DSE: variants seen among roughly 807,000 people sequenced by gnomAD.
The protein encoded by DSE is dermatan-sulfate epimerase.
DSE carries 36 observed loss-of-function variants against 84.4 expected under a neutral mutation model. That is an observed-to-expected ratio of 0.43 (90% CI 0.33 to 0.56). DSE has a LOEUF of 0.56. Among genes scored for constraint, DSE ranks in the 20% least tolerant of loss-of-function variants. The pLI, the probability that DSE is intolerant of heterozygous loss-of-function variation, is 0.06. For missense variants in DSE, 862 were observed against 1,169.6 expected, an observed-to-expected ratio of 0.74 and a Z score of 3.84; for synonymous variants, 410 against 430.1, an observed-to-expected ratio of 0.95 and a Z score of 0.58.
chr6:116,323,183 A>G (rs1776427582), intron 2 of DSE, among the ~76,000 whole-genome samples: 1 of 152,244 alleles, frequency 6.6e-6, no homozygotes, highest in Admixed American at 6.5e-5. Flanking sequence ...TGAAAATTAC[A>G]CATCAGTTGT....
At chr6:116,318,690 T>C (rs536386248) in intron 2 of DSE, among the ~76,000 whole-genome samples, 157 of 152,152 alleles carry the variant, frequency 1.0e-3, no homozygotes, top group Non-Finnish European at 1.8e-3. Flanking sequence ...AATTTCAGCA[T>C]CAAATTACCT....
intron 2 of DSE, among the ~76,000 whole-genome samples, chr6:116,337,627 GAATA>G (rs1191158475): frequency 6.6e-6 from 1 of 151,800 alleles, no homozygotes; most frequent in Non-Finnish European, 1.5e-5. Flanking sequence ...ATAAATAAAT[GAATA>G]AATAAAATAA....
chr6:116,296,581 G>A (rs1464062209), intron 2 of DSE, among the ~76,000 whole-genome samples: 1 of 152,210 alleles, frequency 6.6e-6, no homozygotes, highest in Non-Finnish European at 1.5e-5. Context: ...GACCTGAGTG[G>A]TGAGAAGGTG....
chr6:116,272,630 C>T (rs1400992703), intron 2 of DSE, among the ~76,000 whole-genome samples: 1 of 152,106 alleles, frequency 6.6e-6, no homozygotes, highest in Non-Finnish European at 1.5e-5. Context: ...GTATGTATTC[C>T]CTAACTTAAG....
intron 2 of DSE, among the ~76,000 whole-genome samples, chr6:116,357,616 T>G (rs1361535185): frequency 6.6e-6 from 1 of 152,232 alleles, no homozygotes; most frequent in Non-Finnish European, 1.5e-5. Flanking sequence ...AAATTGTTTT[T>G]CTTCTTTCTC....
At chr6:116,360,615 C>A (rs1361514375) in intron 2 of DSE, among the ~76,000 whole-genome samples, 2 of 152,140 alleles carry the variant, frequency 1.3e-5, no homozygotes, top group African/African-American at 4.8e-5. Flanking sequence ...AGTGTGGATA[C>A]TTAATATGTA....
At chr6:116,356,625 G>A (rs1173451935) in intron 2 of DSE, among the ~76,000 whole-genome samples, 3 of 152,166 alleles carry the variant, frequency 2.0e-5, no homozygotes, top group African/African-American at 7.2e-5. Context: ...GAATCTTGTA[G>A]ATGAAACAAT....
At chr6:116,305,690 T>C (rs894795299) in intron 2 of DSE, among the ~76,000 whole-genome samples, 2 of 152,124 alleles carry the variant, frequency 1.3e-5, no homozygotes, top group African/African-American at 4.8e-5. Context: ...CAGGCTGGAG[T>C]GCAATGGCGT....
In DSE at chr6:116,443,814, C is replaced by CA. The variant is rs925229690; in HGVS notation, c.*6476dup. 3 of 151,964 alleles carry CA rather than the reference C, an allele frequency of 2.0e-5. No homozygotes were observed. Among genetic ancestry groups the CA allele is most frequent in the East Asian group, 3.9e-4 (2 of 5,194 alleles). The allele number at this position is 151,964 out of a possible 1,614,324, so 9.4% of individuals were successfully genotyped here. ...ATTTATTTAGGAATTCTTTTCTGAA[C>CA]AAAAAAACGTTTTCAATGGTCTAGG... On this transcript the variant is annotated 3_prime_UTR_variant, in exon 6 of 6. Coordinates refer to ENST00000644252, the MANE Select transcript of DSE (RefSeq NM_013352.4).
At chr6:116,300,905 A>G (rs1774999154) in intron 2 of DSE, among the ~76,000 whole-genome samples, 1 of 152,236 alleles carries the variant, frequency 6.6e-6, no homozygotes, top group Non-Finnish European at 1.5e-5. Context: ...TTTATATATG[A>G]TAACATATGA....
chr6:116,433,368 G>C lies in DSE; in HGVS notation c.936G>C (p.Ala312=). ...GGTTTCAAAGGACTGTGGCTATTGC[G>C]GACTCAAATTACAACTGGTTTTATG... ...LPGFQRTVAI[A]DSNYNWFYGP... The change falls in exon 5 of 6, where the codon GCG becomes GCC. Residue 312 remains alanine (A), a synonymous_variant. Coordinates refer to ENST00000644252, the MANE Select transcript of DSE (RefSeq NM_013352.4). 1 of 1,551,330 alleles carries C rather than the reference G, an allele frequency of 6.4e-7. No individual in the cohort carries two copies. The highest frequency in any genetic ancestry group is 2.0e-5 in the Admixed American group (1 of 50,980).
At chr6:116,385,209 G>A (rs567631241) in intron 1 of DSE, among the ~76,000 whole-genome samples, 1 of 152,324 alleles carries the variant, frequency 6.6e-6, no homozygotes, top group Non-Finnish European at 1.5e-5. Flanking sequence ...AGTATGGCCA[G>A]GCTGCTTAGC....
intron 2 of DSE, among the ~76,000 whole-genome samples, chr6:116,423,373 AG>A (rs11330799): frequency 0.62 from 94,614 of 151,994 alleles, 30,504 homozygotes; most frequent in Admixed American, 0.71. Context: ...GTTCCCTCAC[AG>A]GTATCTTTAA....
At position 116,437,941 on chromosome 6, in the gene DSE, C is replaced by A. The variant is rs1349662364; in HGVS notation, c.*596C>A. 3 of 152,078 alleles carry A rather than the reference C, an allele frequency of 2.0e-5. No homozygotes were observed. Among genetic ancestry groups the A allele is most frequent in the African/African-American group, 7.2e-5 (3 of 41,410 alleles). 9.4% of individuals were successfully genotyped at this position (152,078 alleles called of 1,614,324 possible). A position where few individuals can be genotyped will look rare whatever the true frequency, so the allele number is the denominator to read the frequency against. On this transcript the variant is annotated 3_prime_UTR_variant, in exon 6 of 6. Coordinates refer to ENST00000644252, the MANE Select transcript of DSE (RefSeq NM_013352.4). ...ATGGCAAAAAATGATAGCAGAAGAT[C>A]ATTAAAAACTTAAAATATATTTTAT...
intron 2 of DSE, among the ~76,000 whole-genome samples, chr6:116,320,125 C>T (rs890694413): frequency 6.6e-5 from 10 of 152,082 alleles, no homozygotes; most frequent in African/African-American, 2.2e-4. Flanking sequence ...GATTAGTGCC[C>T]AAAGATTACA....
At chr6:116,324,998 T>TA (rs771582657) in intron 2 of DSE, among the ~76,000 whole-genome samples, 6 of 152,202 alleles carry the variant, frequency 3.9e-5, no homozygotes, top group Non-Finnish European at 7.3e-5. Context: ...TAGGGACACA[T>TA]ACCACCCACT....
At chr6:116,429,411 A>G (rs1783665660) in intron 3 of DSE, among the ~76,000 whole-genome samples, 1 of 152,152 alleles carries the variant, frequency 6.6e-6, no homozygotes, top group African/African-American at 2.4e-5. Flanking sequence ...AAGTAAAGCA[A>G]TGTGGCTACA....
chr6:116,311,879 T>C (rs1361770973), intron 2 of DSE, among the ~76,000 whole-genome samples: 1 of 152,188 alleles, frequency 6.6e-6, no homozygotes, highest in African/African-American at 2.4e-5. Context: ...CATTTACTTA[T>C]ATGTAAATGT....
At chr6:116,279,713 T>C in intron 2 of DSE, 2 of 1,611,344 alleles carry the variant, frequency 1.2e-6, no homozygotes, top group East Asian at 4.5e-5. Flanking sequence ...GTCGCCTCGC[T>C]TTGGTCGCGG....
Sources: gnomAD v4.1 joint callset for allele counts (sites outside exome capture counted in the v4.1 genomes callset) on GRCh38, gnomAD v4.1.1 for gene constraint, MANE v1.5 for transcripts, NCBI Gene and HGNC (gene_info 2026-07-23, HGNC 2026-07-21) for gene names.